LY75: variants seen among roughly 807,000 people sequenced by gnomAD.
The protein encoded by LY75 is C-type lectin domain family 13 member B.
LY75 carries 185 observed loss-of-function variants against 231.7 expected under a neutral mutation model. The observed-to-expected ratio is 0.80, with a 90% confidence interval of 0.71 to 0.90. LY75 has a LOEUF of 0.90. LY75 is among the 40% of genes least tolerant of loss of function. LY75 has a pLI of 0.00. For missense variants in LY75, 1,947 were observed against 2,050.2 expected (o/e 0.95, Z 0.97); for synonymous variants, 668 against 689.0 (o/e 0.97, Z 0.48).
chr2:159,829,215 G>C (rs1683574435), intron 28 of LY75, among the ~76,000 whole-genome samples: 1 of 152,196 alleles, frequency 6.6e-6, no homozygotes, highest in African/African-American at 2.4e-5. Context: ...ACATCTGCCT[G>C]CAGCAATGAC....
chr2:159,892,996 T>C (rs1394348067), intron 3 of LY75, among the ~76,000 whole-genome samples: 2 of 152,158 alleles, frequency 1.3e-5, no homozygotes, highest in African/African-American at 4.8e-5. Context: ...GATCTCTTTC[T>C]TAAACTACCC....
chr2:159,867,514 TA>T (rs1237874649), intron 13 of LY75, among the ~76,000 whole-genome samples: 2 of 152,180 alleles, frequency 1.3e-5, no homozygotes, highest in African/African-American at 4.8e-5. Context: ...CTCCAAGCAC[TA>T]AGTATATGGT....
At position 159,819,981 on chromosome 2, in the gene LY75, T is replaced by C. The variant is rs1683237390; in HGVS notation, c.3959-61A>G. On this transcript the variant is annotated intron_variant, in intron 28 of 34. Transcript: ENST00000263636. ...TAAATCAAGACTTGAATTACACTTA[T>C]ACAGTTAAGATTTCAAACTTGACTA... is the stretch of plus-strand genomic sequence containing the variant. 2.4e-5 allele frequency: 35 copies of C among 1,462,870 alleles called. 1 individual carries two copies. In the South Asian group the frequency reaches 4.3e-4, roughly 18 times the overall value. 90.6% of individuals were successfully genotyped at this position (1,462,870 alleles called of 1,614,324 possible).
chr2:159,815,399 T>C lies in LY75; in HGVS notation c.4549+6A>G. The C allele has an allele frequency of 6.3e-7, 1 of 1,585,346 alleles. No homozygotes were observed. The highest frequency in any genetic ancestry group is 8.6e-7 in the Non-Finnish European group (1 of 1,169,390). ...AAATGTACTGTTACTGAAATTGAAG[T>C]CTTACATTTTGTAGGTTTATAACAA... On this transcript the variant is annotated splice_donor_region_variant and intron_variant, in intron 31 of 34. Transcript: ENST00000263636.
At chr2:159,838,805 T>TTA (rs1560074798) in intron 25 of LY75, among the ~76,000 whole-genome samples, 1 of 151,888 alleles carries the variant, frequency 6.6e-6, no homozygotes, top group East Asian at 1.9e-4. Context: ...TAATTAATTT[T>TTA]TTTATTTAGA....
chr2:159,882,954 C>T (rs1055211836), intron 6 of LY75, among the ~76,000 whole-genome samples: 27 of 151,968 alleles, frequency 1.8e-4, no homozygotes, highest in Admixed American at 1.3e-3. Context: ...AGCTCACAAT[C>T]GAAGGTCTAA....
At position 159,852,186 on chromosome 2, in the gene LY75, C is replaced by T; in HGVS notation, c.2883+15G>A. On this transcript the variant is annotated intron_variant, in intron 21 of 34. Transcript: ENST00000263636. ...AAGCAATCATTGTTGCATAATGTAG[C>T]AATTCTCTTTTTACCTTATTCTGAA... 2 of 1,612,054 alleles carry T rather than the reference C, an allele frequency of 1.2e-6. No homozygotes were observed. The highest frequency in any genetic ancestry group is 1.7e-6 in the Non-Finnish European group (2 of 1,178,972).
At chr2:159,845,958 TTC>T (rs1684189753) in intron 23 of LY75, among the ~76,000 whole-genome samples, 1 of 150,796 alleles carries the variant, frequency 6.6e-6, no homozygotes, top group South Asian at 2.1e-4. Flanking sequence ...CTATATTGTT[TTC>T]TCTCTCTTTT....
intron 29 of LY75, among the ~76,000 whole-genome samples, chr2:159,818,887 G>A (rs1683202298): frequency 6.6e-6 from 1 of 152,200 alleles, no homozygotes; most frequent in African/African-American, 2.4e-5. Flanking sequence ...GGCATACACT[G>A]TGCCTGGGAC....
chr2:159,833,989 C>T, intron 27 of LY75, 55 bp downstream of exon 27: 1 of 1,554,108 alleles, frequency 6.4e-7, no homozygotes, highest in Non-Finnish European at 8.7e-7. Flanking sequence ...TATAAATTAC[C>T]TAGCCTCGGG....
At chr2:159,862,848 A>G (rs1230998074) in intron 14 of LY75, among the ~76,000 whole-genome samples, 1 of 152,128 alleles carries the variant, frequency 6.6e-6, no homozygotes, top group African/African-American at 2.4e-5. Flanking sequence ...TTTTTCAAGA[A>G]TATAAAATAT....
chr2:159,884,790 G>A (rs1262579398), intron 6 of LY75, among the ~76,000 whole-genome samples: 2 of 152,172 alleles, frequency 1.3e-5, no homozygotes. Flanking sequence ...CTGAGAGCTT[G>A]CATTTCTAAC....
chr2:159,851,750 T>C (rs769358784), intron 21 of LY75, among the ~76,000 whole-genome samples: 9 of 152,222 alleles, frequency 5.9e-5, no homozygotes, highest in Non-Finnish European at 1.2e-4. Context: ...GCAAGATCAA[T>C]GATTAACATT....
At chr2:159,881,980 A>G in intron 7 of LY75, 144 bp downstream of exon 7, 1 of 992,632 alleles carries the variant, frequency 1.0e-6, no homozygotes, top group African/African-American at 1.6e-5. Context: ...ATTGTAGAAC[A>G]GTTCCATCAC....
intron 13 of LY75, among the ~76,000 whole-genome samples, chr2:159,866,766 T>C (rs933649728): frequency 1.3e-5 from 2 of 152,188 alleles, no homozygotes; most frequent in Non-Finnish European, 2.9e-5. Context: ...TTGCACATTA[T>C]ATATTTGGGC....
At position 159,885,219 on chromosome 2, in the gene LY75, A is replaced by T. The variant is rs762774179; in HGVS notation, c.988T>A (p.Phe330Ile). The T allele has an allele frequency of 2.5e-6, 4 of 1,613,680 alleles. No individual in the cohort carries two copies. The East Asian group carries it at 8.9e-5, about 36-fold the overall frequency. ...MDAESGLWQS[F>I]SCEAQLPYVC... ...TAGGGCAGTTGAGCTTCACAGGAAA[A>T]GCTCTGCCACAGACCAGACTCAGCA... Residue 330 changes from phenylalanine (F) to isoleucine (I), a missense_variant, in exon 6 of 35, where the codon TTT becomes ATT. Coordinates refer to ENST00000263636, the MANE Select transcript of LY75 (RefSeq NM_002349.4).
intron 11 of LY75, among the ~76,000 whole-genome samples, chr2:159,877,009 C>CAA (rs58831835): frequency 0.011 from 1,035 of 90,362 alleles, 23 homozygotes; most frequent in Admixed American, 0.013. Context: ...AACTCCATCT[C>CAA]AAAAAAAAAA....
chr2:159,898,506 A>G (rs1431151033), intron 2 of LY75, among the ~76,000 whole-genome samples, 182 bp downstream of exon 2: 1 of 152,224 alleles, frequency 6.6e-6, no homozygotes, highest in Non-Finnish European at 1.5e-5. Context: ...CCTGCAAAGT[A>G]GAGGCAAATA....
At chr2:159,875,003 A>G (rs1685219664) in intron 12 of LY75, among the ~76,000 whole-genome samples, 1 of 143,776 alleles carries the variant, frequency 7.0e-6, no homozygotes, top group Non-Finnish European at 1.5e-5. Flanking sequence ...AAATATATAT[A>G]TTGTATATAT....
Sources: gnomAD v4.1 joint callset for allele counts (sites outside exome capture counted in the v4.1 genomes callset) on GRCh38, gnomAD v4.1.1 for gene constraint, MANE v1.5 for transcripts, NCBI Gene and HGNC (gene_info 2026-07-23, HGNC 2026-07-21) for gene names.